Variants in FMNL2 observed in about 807,000 individuals in gnomAD.
FMNL2 encodes formin-like protein 2.
A neutral mutation model predicts 130.2 loss-of-function variants in FMNL2; 51 were observed. The observed-to-expected ratio is 0.39, with a 90% CI of 0.31 to 0.49. FMNL2 has a LOEUF of 0.49. FMNL2 is among the 20% of genes least tolerant of loss of function. The probability of loss-of-function intolerance (pLI) is 0.85; values close to 1 mark genes in which losing one functional copy is unlikely to be tolerated. For synonymous variants in FMNL2, 465 were observed against 467.1 expected, an observed-to-expected ratio of 1.00 and a Z score of 0.06; for missense variants, 977 against 1,316.2, an observed-to-expected ratio of 0.74 and a Z score of 3.99.
intron 9 of FMNL2, among the ~76,000 whole-genome samples, chr2:152,596,659 G>A (rs1347749412): frequency 2.0e-5 from 3 of 152,206 alleles, no homozygotes; most frequent in Non-Finnish European, 4.4e-5. Flanking sequence ...GGTGGCTCAC[G>A]TTTGTAATCT....
intron 15 of FMNL2, among the ~76,000 whole-genome samples, chr2:152,624,089 GCCTCC>G (rs1681593052): frequency 4.3e-5 from 1 of 23,054 alleles, no homozygotes; most frequent in Non-Finnish European, 6.9e-5. Context: ...AATTCCCTTC[GCCTCC>G]CCTCCCCTCC....
chr2:152,611,719 T>C, intron 11 of FMNL2, 114 bp downstream of exon 11: 2 of 655,730 alleles, frequency 3.1e-6, no homozygotes, highest in Non-Finnish European at 5.4e-6. Context: ...TGCAGTCAAC[T>C]ACTGTAGTGC....
chr2:152,492,838 T>G (rs1691288644), intron 1 of FMNL2, among the ~76,000 whole-genome samples: 1 of 152,220 alleles, frequency 6.6e-6, no homozygotes, highest in Admixed American at 6.5e-5. Flanking sequence ...AGGCAGTGTT[T>G]ATGTGTTGGT....
chr2:152,372,826 A>G (rs1346903521), intron 1 of FMNL2, among the ~76,000 whole-genome samples: 1 of 152,202 alleles, frequency 6.6e-6, no homozygotes, highest in East Asian at 1.9e-4. Flanking sequence ...ATTGAAGGCT[A>G]CTTTAGCTCT....
chr2:152,417,839 A>AT (rs1686698191), intron 1 of FMNL2, among the ~76,000 whole-genome samples: 1 of 151,576 alleles, frequency 6.6e-6, no homozygotes, highest in Non-Finnish European at 1.5e-5. Context: ...TATTATTATT[A>AT]TTTTTTCTTT....
rs968210493 is a variant in FMNL2, at chr2:152,640,845, A to G, written c.3100A>G (p.Arg1034Gly). The change falls in exon 25 of 26, where the codon AGA (arginine) becomes GGA (glycine). Residue 1034 changes from arginine (R) to glycine (G), a missense_variant. Coordinates refer to ENST00000288670, the MANE Select transcript of FMNL2 (RefSeq NM_052905.4). ...GCAAGAGTTAATTGCAGAATTAAGAAGACGACAAGTTAAAGATAACAGACA... is the reference window on the plus strand; with the variant it reads ...GCAAGAGTTAATTGCAGAATTAAGAGGACGACAAGTTAAAGATAACAGACA... Reference protein sequence around the residue: ...QQQELIAELRRRQVKDNRHVY... With the variant: ...QQQELIAELRGRQVKDNRHVY... 1 of 1,613,926 alleles carries G rather than the reference A, an allele frequency of 6.2e-7. No individual in the cohort carries two copies. Among genetic ancestry groups the G allele is most frequent in the East Asian group, 2.2e-5 (1 of 44,880 alleles).
chr2:152,493,157 A>G (rs1691309280), intron 1 of FMNL2, among the ~76,000 whole-genome samples: 1 of 152,246 alleles, frequency 6.6e-6, no homozygotes, highest in Non-Finnish European at 1.5e-5. Flanking sequence ...TATAAGAGCT[A>G]TTGGAATTTA....
intron 1 of FMNL2, among the ~76,000 whole-genome samples, chr2:152,393,845 A>G (rs954422915): frequency 3.3e-5 from 5 of 152,224 alleles, no homozygotes; most frequent in African/African-American, 1.2e-4. Context: ...GCAGCCTTAG[A>G]CAATAGGCAA....
rs1372103532 is a variant in FMNL2 at position 152,648,668 on chromosome 2, T to C, written c.*763T>C. The C allele has an allele frequency of 6.6e-6, 1 of 152,598 alleles. No homozygotes were observed. The allele number at this position is 152,598 out of a possible 1,614,324, so 9.5% of individuals were successfully genotyped here. A position where few individuals can be genotyped will look rare whatever the true frequency, so the allele number is the denominator to read the frequency against. On this transcript the variant is annotated 3_prime_UTR_variant, in exon 26 of 26. Coordinates refer to ENST00000288670, the MANE Select transcript of FMNL2 (RefSeq NM_052905.4). Reference sequence around the variant, plus strand: ...TCAGCATTAGCATTTCTGAGGACCATTATTAATTCTGAGAACAGAAATTGG... The same window carrying C: ...TCAGCATTAGCATTTCTGAGGACCACTATTAATTCTGAGAACAGAAATTGG...
chr2:152,603,951 A>G (rs1232041123), intron 9 of FMNL2, among the ~76,000 whole-genome samples: 1 of 151,040 alleles, frequency 6.6e-6, no homozygotes, highest in Non-Finnish European at 1.5e-5. Flanking sequence ...TGGTTCCCAG[A>G]TGCTGGTCCA....
At chr2:152,643,276 T>C in intron 25 of FMNL2, 1 of 1,114,418 alleles carries the variant, frequency 9.0e-7, no homozygotes, top group South Asian at 1.5e-5. Flanking sequence ...CTTGAGTATA[T>C]ATTGCCTTCC....
rs757452705 is a variant in FMNL2, at chr2:152,628,381, C to T, written c.2248C>T (p.Arg750Trp). ...LPTENEVKVLRLYERERKPLE... is the reference protein window; with the variant it reads ...LPTENEVKVLWLYERERKPLE... ...AACTGAGAATGAAGTGAAAGTGCTTCGGCTCTACGAGCGGGAAAGGAAGCC... is the reference window on the plus strand; with the variant it reads ...AACTGAGAATGAAGTGAAAGTGCTTTGGCTCTACGAGCGGGAAAGGAAGCC... The change falls in exon 18 of 26, where the codon CGG (arginine) becomes TGG (tryptophan). Residue 750 changes from arginine (R) to tryptophan (W), a missense_variant. Coordinates refer to ENST00000288670, the MANE Select transcript of FMNL2 (RefSeq NM_052905.4). The T allele has an allele frequency of 3.1e-5, 50 of 1,613,888 alleles. No individual in the cohort carries two copies. Among genetic ancestry groups the T allele is most frequent in the Non-Finnish European group, 3.9e-5 (46 of 1,179,902 alleles).
intron 18 of FMNL2, 75 bp downstream of exon 18, chr2:152,628,608 A>G: frequency 7.6e-7 from 1 of 1,319,318 alleles, no homozygotes; most frequent in Non-Finnish European, 1.1e-6. Context: ...TCTCTCCCAG[A>G]ATCGTACTCA....
chr2:152,548,297 G>A (rs1036735252), intron 3 of FMNL2, among the ~76,000 whole-genome samples: 1 of 152,216 alleles, frequency 6.6e-6, no homozygotes, highest in Non-Finnish European at 1.5e-5. Context: ...TGCCTGCAAG[G>A]TTGGCCCTTG....
At chr2:152,579,007 A>G in intron 8 of FMNL2, 43 bp downstream of exon 8, 1 of 1,508,712 alleles carries the variant, frequency 6.6e-7, no homozygotes, top group Non-Finnish European at 9.1e-7. Flanking sequence ...CTATCTAGAG[A>G]AAACAGAGGG....
intron 3 of FMNL2, among the ~76,000 whole-genome samples, chr2:152,545,270 G>A (rs1461942540): frequency 2.0e-5 from 3 of 152,116 alleles, no homozygotes; most frequent in South Asian, 4.1e-4. Context: ...ATTATGGTGG[G>A]GGAGAAAAAG....
rs1373705751 is a variant in FMNL2 at position 152,514,508 on chromosome 2, G to A, written c.118-7435G>A. Reference sequence around the variant, plus strand: ...TCATTTAACATACTGAGTACTTTCCGTGTACTTACTTTTGTACTATTTTAT... The same window carrying A: ...TCATTTAACATACTGAGTACTTTCCATGTACTTACTTTTGTACTATTTTAT... On this transcript the variant is annotated intron_variant, in intron 1 of 25. Coordinates refer to ENST00000288670, the MANE Select transcript of FMNL2 (RefSeq NM_052905.4). Among the ~76,000 whole-genome samples the A allele has an allele frequency of 3.9e-5, 6 of 152,040 alleles. No homozygotes were observed. The South Asian group carries it at 1.0e-3, about 26-fold the overall frequency.
At chr2:152,417,356 A>G (rs900571320) in intron 1 of FMNL2, among the ~76,000 whole-genome samples, 1 of 152,178 alleles carries the variant, frequency 6.6e-6, no homozygotes, top group Non-Finnish European at 1.5e-5. Context: ...TCTTCATTGA[A>G]TGACATCGAT....
chr2:152,569,704 TA>T (rs773973729), intron 6 of FMNL2, among the ~76,000 whole-genome samples: 6,227 of 126,038 alleles, frequency 0.049, 374 homozygotes, highest in African/African-American at 0.15. Flanking sequence ...AAAAGGAAGT[TA>T]AAAAAAAAAA....
Sources: allele counts gnomAD v4.1 joint callset (sites outside exome capture counted in the v4.1 genomes callset), GRCh38; gene constraint gnomAD v4.1.1; transcripts MANE v1.5; gene names NCBI Gene and HGNC (gene_info 2026-07-23, HGNC 2026-07-21).